The following KIF13B variants were observed in gnomAD, a reference collection of about 807,000 sequenced individuals.
The protein encoded by KIF13B is kinesin-like protein KIF13B.
In KIF13B, 127 loss-of-function variants were observed where a neutral mutation model predicts 222.0. The observed-to-expected ratio is 0.57, with a 90% CI of 0.50 to 0.66. KIF13B has a LOEUF of 0.66. Among genes scored for constraint, KIF13B ranks in the 30% least tolerant of loss-of-function variants. KIF13B has a pLI of 0.00. For missense variants in KIF13B, 2,173 were observed against 2,379.0 expected, an observed-to-expected ratio of 0.91 and a Z score of 1.80; for synonymous variants, 976 against 919.0, an observed-to-expected ratio of 1.06 and a Z score of -1.12.
In KIF13B at chr8:29,080,806, G is replaced by A. The variant is rs374894498; in HGVS notation, c.4459-5463C>T. ...CGCCCGAGCCACTGTGCCCCTGCCT[G>A]CCACATGCCCCTCCAAGCAGTGCCT... On this transcript the variant is annotated intron_variant, in intron 37 of 39. Transcript: ENST00000524189. Among the ~76,000 whole-genome samples, 32 of 152,148 alleles carry A rather than the reference G, an allele frequency of 2.1e-4. 2 individuals carry two copies. The highest frequency in any genetic ancestry group is 9.8e-4 in the Admixed American group (15 of 15,276).
rs2291453 is a variant in KIF13B, at chr8:29,165,909, T to C, written c.1159-137A>G. 303 of 528,344 alleles carry C rather than the reference T, an allele frequency of 5.7e-4. 4 individuals carry two copies. Among genetic ancestry groups the C allele is most frequent in the Non-Finnish European group, 6.8e-4 (209 of 305,156 alleles). 32.7% of individuals were successfully genotyped at this position (528,344 alleles called of 1,614,324 possible). The stretch of plus-strand genomic sequence containing the variant: ...CGCTGAGGTCTGACATCTACTTCGA[T>C]TGTAGATCGAAGTACCTCGATTGTC... On this transcript the variant is annotated intron_variant, in intron 11 of 39. Transcript: ENST00000524189.
intron 36 of KIF13B, 82 bp from the exon 37 acceptor site, chr8:29,092,960 T>C (rs1440201277): frequency 1.0e-5 from 13 of 1,272,324 alleles, no homozygotes; most frequent in Non-Finnish European, 1.4e-5. Flanking sequence ...CAGACATCAC[T>C]TGTCAGCAAA....
chr8:29,171,761 T>TC (rs1812251090), intron 10 of KIF13B, among the ~76,000 whole-genome samples: 2 of 143,156 alleles, frequency 1.4e-5, no homozygotes, highest in Admixed American at 7.5e-5. Flanking sequence ...TTTTTCTTCT[T>TC]TTTTTTTTTT....
At chr8:29,261,661 C>CA (rs1271709408) in intron 1 of KIF13B, among the ~76,000 whole-genome samples, 1 of 152,078 alleles carries the variant, frequency 6.6e-6, no homozygotes, top group African/African-American at 2.4e-5. Flanking sequence ...TGTGTGTTGT[C>CA]AGAGCACGAG....
chr8:29,215,206 T>A (rs932397271), intron 2 of KIF13B, among the ~76,000 whole-genome samples: 1 of 151,746 alleles, frequency 6.6e-6, no homozygotes, highest in African/African-American at 2.4e-5. Flanking sequence ...GAGTGAGTGG[T>A]ATGTGGGGAA....
At chr8:29,148,255 T>C (rs1811144818) in intron 16 of KIF13B, among the ~76,000 whole-genome samples, 1 of 152,196 alleles carries the variant, frequency 6.6e-6, no homozygotes, top group African/African-American at 2.4e-5. Context: ...CAGATCAAAG[T>C]GATCTGACTG....
At chr8:29,213,761 C>T (rs1248133908) in intron 2 of KIF13B, among the ~76,000 whole-genome samples, 1 of 151,396 alleles carries the variant, frequency 6.6e-6, no homozygotes, top group Admixed American at 6.6e-5. Flanking sequence ...CGAGCCTGGC[C>T]GACATGGTGA....
In KIF13B at chr8:29,136,839, G is replaced by T. The variant is rs186105600; in HGVS notation, c.2614-2629C>A. ...TTTTGAGATGGCGTCTCGCTCTGTT[G>T]CCCAGGCTGGAGTGCAGTGGTTCGA... is the stretch of plus-strand genomic sequence containing the variant. On this transcript the variant is annotated intron_variant, in intron 21 of 39. Transcript: ENST00000524189. Among the ~76,000 whole-genome samples, 163 of 117,616 alleles carry T rather than the reference G, an allele frequency of 1.4e-3. 1 individual carries two copies. Among genetic ancestry groups the T allele is most frequent in the African/African-American group, 5.1e-3 (154 of 30,228 alleles). 77.2% of individuals were successfully genotyped at this position (117,616 alleles called of 152,430 possible). A position where few individuals can be genotyped will look rare whatever the true frequency, so the allele number is the denominator to read the frequency against.
At chr8:29,196,936 C>G (rs540951454) in intron 2 of KIF13B, among the ~76,000 whole-genome samples, 29 of 152,178 alleles carry the variant, frequency 1.9e-4, no homozygotes, top group Non-Finnish European at 3.4e-4. Context: ...CCTGTACTTA[C>G]TGAATTACTC....
chr8:29,217,996 T>C (rs186189921), intron 2 of KIF13B, among the ~76,000 whole-genome samples: 1 of 152,220 alleles, frequency 6.6e-6, no homozygotes, highest in Non-Finnish European at 1.5e-5. Flanking sequence ...GTCAACTGAT[T>C]CCCCTTTGAA....
rs748070164 is a variant in KIF13B at position 29,132,445 on chromosome 8, G to A, written c.2805C>T (p.Thr935=). ...DHCNEFSVNI[T]EDFIEHLSEG... ...CGGAAAGATGCTCGATAAAGTCTTC[G>A]GTGATGTTAACAGAAAACTCCTGAA... The change falls in exon 23 of 40, where the codon ACC becomes ACT. Residue 935 remains threonine (T), a synonymous_variant. Transcript: ENST00000524189. The A allele has an allele frequency of 1.5e-5, 23 of 1,540,544 alleles. No individual in the cohort carries two copies. The highest frequency in any genetic ancestry group is 7.2e-5 in the East Asian group (3 of 41,540).
At chr8:29,221,322 C>T (rs1410001817) in intron 2 of KIF13B, among the ~76,000 whole-genome samples, 1 of 151,612 alleles carries the variant, frequency 6.6e-6, no homozygotes, top group Admixed American at 6.6e-5. Flanking sequence ...AGGCTGGTCT[C>T]GAACTGCTGA....
chr8:29,095,986 GTT>G (rs889271371), intron 36 of KIF13B, among the ~76,000 whole-genome samples: 1 of 139,314 alleles, frequency 7.2e-6, no homozygotes. Context: ...TTTGTTTTTT[GTT>G]TTTTTTTTTT....
Position 29,167,521 on chromosome 8 carries a change from T to G in KIF13B, c.1010A>C (p.Tyr337Ser). ...VATVSPAADNYDETLSTLRYA... is the reference protein window; with the variant it reads ...VATVSPAADNSDETLSTLRYA... ...CCGCAGAGTTGAGAGGGTTTCATCA[T>G]AGTTATCAGCTGCAGGACTCACAGT... The change falls in exon 11 of 40, where the codon TAT becomes TCT. Residue 337 changes from tyrosine to serine, a missense_variant. Tyr to Ser is a moderately radical substitution (Grantham distance 144, BLOSUM62 -2). Coordinates refer to ENST00000524189, the MANE Select transcript of KIF13B (RefSeq NM_015254.4). 1 of 1,614,088 alleles carries G rather than the reference T, an allele frequency of 6.2e-7. No individual in the cohort carries two copies. The highest frequency in any genetic ancestry group is 8.5e-7 in the Non-Finnish European group (1 of 1,179,906).
chr8:29,180,607 A>G (rs1323635582), intron 7 of KIF13B, among the ~76,000 whole-genome samples: 1 of 152,222 alleles, frequency 6.6e-6, no homozygotes, highest in Non-Finnish European at 1.5e-5. Flanking sequence ...ATTAGATTAT[A>G]CAAATAAGCA....
chr8:29,183,170 T>TTG (rs1554614607), intron 6 of KIF13B, among the ~76,000 whole-genome samples: 13 of 142,534 alleles, frequency 9.1e-5, no homozygotes, highest in African/African-American at 1.7e-4. Flanking sequence ...TAAAGTTTGT[T>TTG]TTTTTTTTTT....
At position 29,067,520 on chromosome 8, in the gene KIF13B, T is replaced by G. The variant is rs1006518876; in HGVS notation, c.*2984A>C. The G allele has an allele frequency of 6.6e-6, 1 of 152,206 alleles. No individual in the cohort carries two copies. Among genetic ancestry groups the G allele is most frequent in the Non-Finnish European group, 1.5e-5 (1 of 68,034 alleles). The allele number at this position is 152,206 out of a possible 1,614,324, so 9.4% of individuals were successfully genotyped here. ...CTTCGCATTTACACGAATCCACACA[T>G]AGAGAAGCTGTTCCAAGACCCCCCA... On this transcript the variant is annotated 3_prime_UTR_variant, in exon 40 of 40. Transcript: ENST00000524189.
At chr8:29,232,559 T>C (rs903591918) in intron 2 of KIF13B, among the ~76,000 whole-genome samples, 3 of 151,970 alleles carry the variant, frequency 2.0e-5, no homozygotes, top group Admixed American at 1.3e-4. Flanking sequence ...GCCATCCTTT[T>C]CTCCCTCACA....
At chr8:29,100,632 G>T (rs1005868126) in intron 35 of KIF13B, among the ~76,000 whole-genome samples, 9 of 152,154 alleles carry the variant, frequency 5.9e-5, no homozygotes, top group African/African-American at 2.2e-4. Flanking sequence ...TAGTAGAGAT[G>T]GAGGGGGTGT....
Sources: allele counts gnomAD v4.1 joint callset (sites outside exome capture counted in the v4.1 genomes callset), GRCh38; gene constraint gnomAD v4.1.1; transcripts MANE v1.5; gene names NCBI Gene and HGNC (gene_info 2026-07-23, HGNC 2026-07-21).